The following ANK3 variants were observed in gnomAD, a reference collection of about 807,000 sequenced individuals.
ANK3 encodes the protein ankyrin-3.
A neutral mutation model predicts 370.9 loss-of-function variants in ANK3; 57 were observed. That is an observed-to-expected ratio of 0.15 (90% CI 0.12 to 0.19). ANK3 has a LOEUF of 0.19. ANK3 is among the 10% of genes least tolerant of loss of function. The pLI is 1.00. For synonymous variants in ANK3, 1,929 were observed against 1,946.3 expected (o/e 0.99, Z 0.23); for missense variants, 4,439 against 5,302.1 (o/e 0.84, Z 5.06).
At chr10:60,507,674 A>C (rs771526702) in intron 2 of ANK3, 17 of 152,040 alleles carry the variant, frequency 1.1e-4, no homozygotes, top group South Asian at 6.2e-4. Context: ...CTCAATGTAA[A>C]GAAATAGCCA....
intron 23 of ANK3, among the ~76,000 whole-genome samples, chr10:60,157,633 G>A (rs1316569929): frequency 6.6e-6 from 1 of 151,840 alleles, no homozygotes; most frequent in Non-Finnish European, 1.5e-5. Context: ...TAAAAGTCAA[G>A]CAGAAATTCA....
chr10:60,121,461 G>T (rs1429687967), intron 25 of ANK3, among the ~76,000 whole-genome samples: 4 of 151,800 alleles, frequency 2.6e-5, no homozygotes, highest in Non-Finnish European at 5.9e-5. Context: ...GGAGGTCAAA[G>T]TGGGCAGATG....
chr10:60,133,144 T>C (rs2094179119), intron 25 of ANK3, among the ~76,000 whole-genome samples: 1 of 152,258 alleles, frequency 6.6e-6, no homozygotes, highest in African/African-American at 2.4e-5. Flanking sequence ...AACTTGGCTA[T>C]GATATGTGAC....
At chr10:60,483,647 G>A (rs982131494) in intron 2 of ANK3, among the ~76,000 whole-genome samples, 1 of 152,070 alleles carries the variant, frequency 6.6e-6, no homozygotes, top group Admixed American at 6.6e-5. Flanking sequence ...AAATGACACA[G>A]AGCATATTTT....
chr10:60,315,054 A>T (rs945985784), intron 1 of ANK3, among the ~76,000 whole-genome samples: 1 of 152,172 alleles, frequency 6.6e-6, no homozygotes, highest in African/African-American at 2.4e-5. Flanking sequence ...ATTAGAGTGG[A>T]ATTTTCCAGT....
At chr10:60,597,674 A>G (rs1425550461) in intron 2 of ANK3, among the ~76,000 whole-genome samples, 1 of 152,164 alleles carries the variant, frequency 6.6e-6, no homozygotes, top group Non-Finnish European at 1.5e-5. Flanking sequence ...ATTTCTCAAG[A>G]GTTTCAATAG....
chr10:60,357,295 T>C (rs2057911429), intron 1 of ANK3, among the ~76,000 whole-genome samples: 1 of 152,186 alleles, frequency 6.6e-6, no homozygotes, highest in Non-Finnish European at 1.5e-5. Context: ...AAAGTAACTA[T>C]TGTGGGTATT....
Position 60,181,387 on chromosome 10 carries a change from C to A in ANK3, c.2126G>T (p.Arg709Leu). 1 of 1,614,182 alleles carries A rather than the reference C, an allele frequency of 6.2e-7. No individual in the cohort carries two copies. Among genetic ancestry groups the A allele is most frequent in the Non-Finnish European group, 8.5e-7 (1 of 1,180,024 alleles). The change falls in exon 18 of 44, where the codon CGA becomes CTA. Residue 709 changes from arginine (R) to leucine (L), a missense_variant. Coordinates refer to ENST00000280772, the MANE Select transcript of ANK3 (RefSeq NM_020987.5). ...TPLHLAAQED[R>L]VNVAEVLVNQ... ...TACGAGGACTTCTGCCACATTCACTCGATCTTCTTGAGCAGCCAAATGGAG... is the reference window on the plus strand; with the variant it reads ...TACGAGGACTTCTGCCACATTCACTAGATCTTCTTGAGCAGCCAAATGGAG...
intron 2 of ANK3, among the ~76,000 whole-genome samples, chr10:60,460,005 A>T (rs2064843110): frequency 6.6e-6 from 1 of 152,188 alleles, no homozygotes; most frequent in Non-Finnish European, 1.5e-5. Flanking sequence ...AGCTCAGCTC[A>T]GAAAAGCAGA....
chr10:60,081,534 G>A, intron 35 of ANK3: 2 of 438,770 alleles, frequency 4.6e-6, no homozygotes, highest in East Asian at 7.0e-5. Context: ...TAAAAAAATG[G>A]TCAAGATAAA....
chr10:60,393,382 T>A (rs968442118), upstream of ANK3, among the ~76,000 whole-genome samples: 33 of 152,088 alleles, frequency 2.2e-4, no homozygotes, highest in Non-Finnish European at 4.3e-4. Flanking sequence ...TCCGAAATAA[T>A]TTTTTTTAAT....
chr10:60,146,154 C>T (rs934657121), intron 23 of ANK3: 21 of 1,290,214 alleles, frequency 1.6e-5, no homozygotes, highest in South Asian at 3.3e-5. Context: ...CATGTAGATA[C>T]GAAGATGTGT....
At chr10:60,338,027 G>T (rs1305797372) in intron 1 of ANK3, among the ~76,000 whole-genome samples, 1 of 152,122 alleles carries the variant, frequency 6.6e-6, no homozygotes, top group Non-Finnish European at 1.5e-5. Context: ...GAACTATGAG[G>T]AAGAAGCTGG....
chr10:60,221,634 G>A (rs1398554159), intron 8 of ANK3, among the ~76,000 whole-genome samples: 2 of 152,092 alleles, frequency 1.3e-5, no homozygotes, highest in Non-Finnish European at 2.9e-5. Flanking sequence ...ATATTGATTT[G>A]ATAAATAGAG....
At chr10:60,510,842 A>G (rs1209624766) in intron 2 of ANK3, among the ~76,000 whole-genome samples, 1 of 151,904 alleles carries the variant, frequency 6.6e-6, no homozygotes, top group African/African-American at 2.4e-5. Flanking sequence ...TAAATAAAAT[A>G]AAATAAAATA....
At position 60,068,591 on chromosome 10, in the gene ANK3, G is replaced by T. The variant is rs1448266018; in HGVS notation, c.12244+46C>A. ...GTTTACAAACTATGCTCGTTCTCCA[G>T]GATGTGAGCAGAGTGCTCGAGAGAC... On this transcript the variant is annotated intron_variant, in intron 37 of 43. Coordinates refer to ENST00000280772, the MANE Select transcript of ANK3 (RefSeq NM_020987.5). 8 of 1,532,678 alleles carry T rather than the reference G, an allele frequency of 5.2e-6. No homozygotes were observed. In the Middle Eastern group the frequency reaches 7.1e-4, roughly 135 times the overall value. The allele number at this position is 1,532,678 out of a possible 1,614,324, so 94.9% of individuals were successfully genotyped here.
rs1174944314 is a variant in ANK3, at chr10:60,106,836, A to G, written c.3174-777T>C. 3.3e-5 allele frequency among the ~76,000 whole-genome samples: 5 copies of G among 152,306 alleles called. No individual in the cohort carries two copies. In the East Asian group the frequency reaches 7.7e-4, roughly 23 times the overall value. ...TAAATTTTAAAATAGGATAAATACT[A>G]AAAGAGATGAATGGAAGTAAGCAGA... On this transcript the variant is annotated intron_variant, in intron 27 of 43. Transcript: ENST00000280772.
chr10:60,573,626 C>T (rs2077645066), intron 2 of ANK3, among the ~76,000 whole-genome samples: 1 of 152,194 alleles, frequency 6.6e-6, no homozygotes, highest in South Asian at 2.1e-4. Flanking sequence ...TGGAAACCCC[C>T]TCACCATGCC....
chr10:60,436,366 T>C (rs2064158724), intron 2 of ANK3, among the ~76,000 whole-genome samples: 1 of 152,236 alleles, frequency 6.6e-6, no homozygotes, highest in African/African-American at 2.4e-5. Context: ...TGGTAACTGC[T>C]TAATTTTTTG....
Sources: allele counts gnomAD v4.1 joint callset (sites outside exome capture counted in the v4.1 genomes callset), GRCh38; gene constraint gnomAD v4.1.1; transcripts MANE v1.5; gene names NCBI Gene and HGNC (gene_info 2026-07-23, HGNC 2026-07-21).